GUCY2F: variants seen among roughly 807,000 people sequenced by gnomAD.
GUCY2F encodes the protein guanylate cyclase 2F, retinal, also known as retinal guanylyl cyclase 2.
GUCY2F carries 61 observed loss-of-function variants against 73.1 expected under a neutral mutation model. The observed-to-expected ratio is 0.83, with a 90% CI of 0.68 to 1.03. The LOEUF (loss-of-function observed/expected upper bound fraction) is 1.03. GUCY2F is among the 50% of genes least tolerant of loss of function. The pLI, the probability that GUCY2F is intolerant of heterozygous loss-of-function variation, is 0.00. For missense variants in GUCY2F, 912 were observed against 854.3 expected, an observed-to-expected ratio of 1.07 and a Z score of -0.84; for synonymous variants, 331 against 307.8, an observed-to-expected ratio of 1.08 and a Z score of -0.79.
intron 3 of GUCY2F, among the ~76,000 whole-genome samples, chrX:109,459,926 C>G (rs1301019495): frequency 9.0e-6 from 1 of 110,673 alleles, no homozygotes; most frequent in Admixed American, 9.6e-5. Flanking sequence ...CAGAAGAAAA[C>G]TTCAAAAAAA....
chrX:109,404,584 C>A, intron 9 of GUCY2F, 100 bp from the exon 10 acceptor site: 1 of 579,331 alleles, frequency 1.7e-6, no homozygotes, highest in Non-Finnish European at 2.7e-6. Flanking sequence ...CTATTATGAT[C>A]CAGAACTCAG....
intron 10 of GUCY2F, among the ~76,000 whole-genome samples, chrX:109,399,814 C>T (rs1374372074): frequency 9.1e-6 from 1 of 110,180 alleles, no homozygotes; most frequent in African/African-American, 3.3e-5. Flanking sequence ...TTTTTTCTCC[C>T]TAGAAAGAAC....
chrX:109,399,199 G>T (rs1930780747), intron 10 of GUCY2F, among the ~76,000 whole-genome samples: 1 of 112,695 alleles, frequency 8.9e-6, no homozygotes. Context: ...GCAAAAAGGT[G>T]CAACAATTCC....
intron 3 of GUCY2F, among the ~76,000 whole-genome samples, chrX:109,454,237 T>G (rs1022339596): frequency 1.8e-5 from 2 of 111,885 alleles, no homozygotes; most frequent in African/African-American, 6.5e-5. Context: ...ACTGGTGCAC[T>G]ATGCATGGTA....
chrX:109,391,952 T>C lies in GUCY2F; in HGVS notation c.2740A>G (p.Thr914Ala). ...CTGCCAATTATTGCATCAAAGAGTG[T>C]GTACAGGTCATTCAGAAGATCCACG... ...EVVDLLNDLY[T>A]LFDAIIGSHD... The change falls in exon 14 of 20, where the codon ACA becomes GCA. Residue 914 changes from threonine to alanine, a missense_variant. By Grantham distance (58) the Thr-to-Ala change is moderately conservative (BLOSUM62 0). Transcript: ENST00000218006. 1 of 1,207,084 alleles carries C rather than the reference T, an allele frequency of 8.3e-7. No individual in the cohort carries two copies. The highest frequency in any genetic ancestry group is 1.7e-5 in the African/African-American group (1 of 57,638).
intron 15 of GUCY2F, among the ~76,000 whole-genome samples, chrX:109,385,973 T>C (rs1441107653): frequency 9.0e-6 from 1 of 110,923 alleles, no homozygotes; most frequent in Non-Finnish European, 1.9e-5. Flanking sequence ...CTGATTTTGT[T>C]TTCCTAAAAA....
Position 109,465,345 on chromosome X carries a change from C to T in GUCY2F, c.829G>A (p.Val277Ile), listed in dbSNP as rs568281158. Residue 277 changes from valine to isoleucine, a missense_variant, in exon 3 of 20, where the codon GTC becomes ATC. Coordinates refer to ENST00000218006, the MANE Select transcript of GUCY2F (RefSeq NM_001522.3). ...HDLKMTDGTY[V>I]FVPYDALLYS... ...AGCAGGGCATCATAAGGAACAAAGA[C>T]GTAGGTTCCATCAGTCATTTTCAGA... is the stretch of plus-strand genomic sequence containing the variant. The T allele has an allele frequency of 4.2e-5, 50 of 1,196,182 alleles. No homozygotes were observed. Among genetic ancestry groups the T allele is most frequent in the South Asian group, 7.1e-5 (4 of 56,495 alleles).
Position 109,376,491 on chromosome X carries a change from G to A in GUCY2F, c.3151-324C>T, listed in dbSNP as rs748126457. ...GGCATTAGGTAAGCCATTGTCTTCTGTATCTAGAGTACATATATTCAGATT... is the reference window on the plus strand; with the variant it reads ...GGCATTAGGTAAGCCATTGTCTTCTATATCTAGAGTACATATATTCAGATT... On this transcript the variant is annotated intron_variant, in intron 17 of 19. Coordinates refer to ENST00000218006, the MANE Select transcript of GUCY2F (RefSeq NM_001522.3). Among the ~76,000 whole-genome samples, 5 of 112,316 alleles carry A rather than the reference G, an allele frequency of 4.5e-5. No individual in the cohort carries two copies. In the East Asian group the frequency reaches 1.4e-3, roughly 32 times the overall value.
At chrX:109,457,520 C>G (rs752976971) in intron 3 of GUCY2F, among the ~76,000 whole-genome samples, 5 of 111,972 alleles carry the variant, frequency 4.5e-5, no homozygotes, top group Non-Finnish European at 9.4e-5. Flanking sequence ...ATGATCTCAA[C>G]CCTTGGGCAT....
intron 7 of GUCY2F, among the ~76,000 whole-genome samples, chrX:109,436,718 A>G (rs1448366661): frequency 9.2e-6 from 1 of 108,192 alleles, no homozygotes; most frequent in East Asian, 3.0e-4. Flanking sequence ...TCTCACTCAT[A>G]GATGGCAATT....
In GUCY2F at chrX:109,452,075, G is replaced by T; in HGVS notation, c.1420C>A (p.Leu474Ile). The change falls in exon 5 of 20, where the codon CTT becomes ATT. Residue 474 changes from leucine to isoleucine, a missense_variant. Leu to Ile is a conservative substitution (Grantham distance 5). Coordinates refer to ENST00000218006, the MANE Select transcript of GUCY2F (RefSeq NM_001522.3). ...GACAGCAGGGCTATAAGCAAAGTAAGGCAGACCATCATGGCAAAGGCAGGG... is the reference window on the plus strand; with the variant it reads ...GACAGCAGGGCTATAAGCAAAGTAATGCAGACCATCATGGCAAAGGCAGGG... ...IDPAFAMMVC[L>I]TLLIALLSIN... 1 of 1,137,272 alleles carries T rather than the reference G, an allele frequency of 8.8e-7. No individual in the cohort carries two copies. The highest frequency in any genetic ancestry group is 1.2e-6 in the Non-Finnish European group (1 of 827,830). The allele number at this position is 1,137,272 out of a possible 1,213,427, so 93.7% of individuals were successfully genotyped here. A position where few individuals can be genotyped will look rare whatever the true frequency, so the allele number is the denominator to read the frequency against.
Position 109,417,331 on chromosome X carries a change from T to C in GUCY2F, c.1792-8163A>G, listed in dbSNP as rs377699619. Among the ~76,000 whole-genome samples the C allele has an allele frequency of 9.0e-5, 10 of 111,310 alleles. No individual in the cohort carries two copies. The East Asian group carries it at 2.2e-3, about 25-fold the overall frequency. ...AATGTAGGTATACATATGATAACAA[T>C]AGGGCAAAGAATAGTAGGCTAGTAA... On this transcript the variant is annotated intron_variant, in intron 8 of 19. Coordinates refer to ENST00000218006, the MANE Select transcript of GUCY2F (RefSeq NM_001522.3).
At chrX:109,428,749 T>G (rs1038083583) in intron 8 of GUCY2F, among the ~76,000 whole-genome samples, 2 of 112,036 alleles carry the variant, frequency 1.8e-5, no homozygotes, top group African/African-American at 3.2e-5. Context: ...TAAAAGGGCA[T>G]AGGGTCTACA....
At chrX:109,414,761 G>C (rs1931201944) in intron 8 of GUCY2F, among the ~76,000 whole-genome samples, 1 of 111,971 alleles carries the variant, frequency 8.9e-6, no homozygotes, top group Non-Finnish European at 1.9e-5. Context: ...TAAAAGATGA[G>C]TGGATTAAAC....
Position 109,404,471 on chromosome X carries a change from A to C in GUCY2F, c.1982T>G (p.Leu661Ter). 1 of 1,190,297 alleles carries C rather than the reference A, an allele frequency of 8.4e-7. No homozygotes were observed. Among genetic ancestry groups the C allele is most frequent in the Non-Finnish European group, 1.1e-6 (1 of 877,725 alleles). Residue 661 changes from leucine (L) to a stop codon, truncating the protein, a stop_gained, in exon 10 of 20, where the codon TTA (leucine) becomes TGA (stop). Transcript: ENST00000218006. LOFTEE classifies it high-confidence loss of function. ...CCCATGAACAAACTCTCTGTGGTGT[A>C]AGTACTTCATGCCCTGTAGATGACA... Reference protein sequence around the residue: ...LLDLIKGMKYLHHREFVHGRL... With the variant: ...LLDLIKGMKY
rs746230283 is a variant in GUCY2F, at chrX:109,397,965, T to G, written c.2275+584A>C. ...GCTTATTATTGGTAATCTTGATTGCTTGTTTAAGGTGGTGTCTACAGGATC... is the reference window on the plus strand; with the variant it reads ...GCTTATTATTGGTAATCTTGATTGCGTGTTTAAGGTGGTGTCTACAGGATC... On this transcript the variant is annotated intron_variant, in intron 11 of 19. Coordinates refer to ENST00000218006, the MANE Select transcript of GUCY2F (RefSeq NM_001522.3). Among the ~76,000 whole-genome samples the G allele has an allele frequency of 6.3e-5, 7 of 111,733 alleles. No individual in the cohort carries two copies. The East Asian group carries it at 2.0e-3, about 32-fold the overall frequency.
At chrX:109,385,057 T>C (rs1465679929) in intron 16 of GUCY2F, 127 bp downstream of exon 16, 1 of 406,568 alleles carries the variant, frequency 2.5e-6, no homozygotes, top group Non-Finnish European at 4.3e-6. Context: ...CTTCTCAAAT[T>C]ATCTTTTATT....
chrX:109,456,968 C>T (rs1932272675), intron 3 of GUCY2F, among the ~76,000 whole-genome samples: 2 of 111,688 alleles, frequency 1.8e-5, no homozygotes, highest in African/African-American at 6.5e-5. Context: ...AGGCCTCTAT[C>T]CAGCTTCTCA....
At chrX:109,411,495 T>C (rs1347474738) in intron 8 of GUCY2F, among the ~76,000 whole-genome samples, 1 of 111,584 alleles carries the variant, frequency 9.0e-6, no homozygotes, top group Non-Finnish European at 1.9e-5. Flanking sequence ...ACTTTTACCC[T>C]GTCCTATCCT....
Sources: gnomAD v4.1 joint callset for allele counts (sites outside exome capture counted in the v4.1 genomes callset) on GRCh38, gnomAD v4.1.1 for gene constraint, MANE v1.5 for transcripts, NCBI Gene and HGNC (gene_info 2026-07-23, HGNC 2026-07-21) for gene names.